Variants in NLN observed in about 807,000 individuals in gnomAD.
NLN encodes neurolysin, mitochondrial.
Under a neutral mutation model 79.9 loss-of-function variants are expected in NLN, and 64 were observed. The observed-to-expected ratio is 0.80, with a 90% CI of 0.65 to 0.99. NLN has a LOEUF of 0.99. Among genes scored for constraint, NLN ranks in the 50% least tolerant of loss-of-function variants. The probability of loss-of-function intolerance (pLI) is 0.00; values close to 1 mark genes in which losing one functional copy is unlikely to be tolerated. For missense variants in NLN, 835 were observed against 858.7 expected, an observed-to-expected ratio of 0.97 and a Z score of 0.34; for synonymous variants, 267 against 296.6, an observed-to-expected ratio of 0.90 and a Z score of 1.02.
chr5:65,794,035 T>G (rs1257001712), intron 9 of NLN, among the ~76,000 whole-genome samples: 1 of 152,250 alleles, frequency 6.6e-6, no homozygotes, highest in African/African-American at 2.4e-5. Flanking sequence ...TTTTTGTATT[T>G]TTCAAGTGAT....
intron 3 of NLN, among the ~76,000 whole-genome samples, chr5:65,767,247 T>C (rs1409962447): frequency 6.6e-6 from 1 of 152,208 alleles, no homozygotes; most frequent in African/African-American, 2.4e-5. Flanking sequence ...TGCCTGGATA[T>C]CCAGGCATTT....
At chr5:65,751,937 G>A (rs1759111566) in intron 1 of NLN, among the ~76,000 whole-genome samples, 1 of 152,066 alleles carries the variant, frequency 6.6e-6, no homozygotes, top group African/African-American at 2.4e-5. Flanking sequence ...ATTATTTCTT[G>A]GTTAGAAATT....
intron 3 of NLN, among the ~76,000 whole-genome samples, chr5:65,772,892 G>A (rs1579938749): frequency 2.7e-5 from 4 of 150,044 alleles, no homozygotes; most frequent in South Asian, 2.1e-4. Context: ...CACCAGACCC[G>A]GCTATACTCT....
chr5:65,788,985 T>A (rs1391720340), intron 8 of NLN, among the ~76,000 whole-genome samples: 1 of 142,080 alleles, frequency 7.0e-6, no homozygotes, highest in Non-Finnish European at 1.5e-5. Context: ...AAAAAAAAAA[T>A]GAAAAATTAG....
chr5:65,815,563 T>C (rs1760651661), intron 12 of NLN, among the ~76,000 whole-genome samples: 1 of 152,200 alleles, frequency 6.6e-6, no homozygotes, highest in South Asian at 2.1e-4. Flanking sequence ...CTTTACACTT[T>C]TTCCTTTCCT....
chr5:65,762,494 G>A (rs1759359425), intron 2 of NLN, among the ~76,000 whole-genome samples: 1 of 152,052 alleles, frequency 6.6e-6, no homozygotes, highest in African/African-American at 2.4e-5. Flanking sequence ...AGACCAGCCT[G>A]GGAAATATGG....
intron 8 of NLN, 49 bp downstream of exon 8, chr5:65,788,533 C>A: frequency 6.4e-7 from 1 of 1,566,836 alleles, no homozygotes; most frequent in Non-Finnish European, 8.7e-7. Flanking sequence ...TCAGCTATGC[C>A]TACTTTAAGA....
chr5:65,756,373 G>A (rs192978834), intron 1 of NLN, among the ~76,000 whole-genome samples: 9 of 151,794 alleles, frequency 5.9e-5, no homozygotes, highest in Admixed American at 3.9e-4. Context: ...CACCTCCACC[G>A]CCTCCATCCA....
chr5:65,755,374 A>G (rs1255380429), intron 1 of NLN, among the ~76,000 whole-genome samples: 1 of 152,240 alleles, frequency 6.6e-6, no homozygotes, highest in Non-Finnish European at 1.5e-5. Context: ...CCTATAATGC[A>G]TCATCTTTGA....
In NLN at chr5:65,722,293, G is replaced by A; in HGVS notation, c.-81G>A. 1.7e-6 allele frequency: 2 copies of A among 1,155,186 alleles called. No individual in the cohort carries two copies. Among genetic ancestry groups the A allele is most frequent in the South Asian group, 3.1e-5 (2 of 64,654 alleles). The allele number at this position is 1,155,186 out of a possible 1,614,324, so 71.6% of individuals were successfully genotyped here. ...CGGCTAGGCCGGCTCGAGACTCCCG[G>A]GCGCCCAGGCGCTGCCGCCCGCCTC... is the stretch of plus-strand genomic sequence containing the variant. On this transcript the variant is annotated 5_prime_UTR_variant, in exon 1 of 13. Coordinates refer to ENST00000380985, the MANE Select transcript of NLN (RefSeq NM_020726.5).
chr5:65,767,369 G>A (rs2150750282), intron 3 of NLN, among the ~76,000 whole-genome samples: 1 of 152,346 alleles, frequency 6.6e-6, no homozygotes, highest in South Asian at 2.1e-4. Flanking sequence ...TGCGTCCTGT[G>A]AAGCAATGGC....
At chr5:65,811,286 T>A (rs952577924) in intron 11 of NLN, among the ~76,000 whole-genome samples, 1 of 152,180 alleles carries the variant, frequency 6.6e-6, no homozygotes, top group Non-Finnish European at 1.5e-5. Flanking sequence ...TAAGCCATAG[T>A]GCACCTTTGT....
Position 65,826,050 on chromosome 5 carries a change from A to G in NLN, c.*3135A>G, listed in dbSNP as rs1019460127. 1 of 152,236 alleles carries G rather than the reference A, an allele frequency of 6.6e-6. No individual in the cohort carries two copies. The highest frequency in any genetic ancestry group is 1.5e-5 in the Non-Finnish European group (1 of 68,042). The allele number at this position is 152,236 out of a possible 1,614,324, so 9.4% of individuals were successfully genotyped here. Reference sequence around the variant, plus strand: ...GTTCTGGAAGCTGGGAAGTCCCACAATCCACATGCTGGTAAATTTGGTTCG... The same window carrying G: ...GTTCTGGAAGCTGGGAAGTCCCACAGTCCACATGCTGGTAAATTTGGTTCG... On this transcript the variant is annotated 3_prime_UTR_variant, in exon 13 of 13. Coordinates refer to ENST00000380985, the MANE Select transcript of NLN (RefSeq NM_020726.5).
chr5:65,742,600 G>A (rs1024456493), intron 1 of NLN, among the ~76,000 whole-genome samples: 3 of 152,136 alleles, frequency 2.0e-5, no homozygotes, highest in African/African-American at 7.2e-5. Context: ...GTTGTTTATA[G>A]GATGTTTATA....
Position 65,788,372 on chromosome 5 carries a change from T to C in NLN, c.1213T>C (p.Phe405Leu). The C allele has an allele frequency of 1.2e-6, 2 of 1,614,184 alleles. No individual in the cohort carries two copies. The highest frequency in any genetic ancestry group is 2.2e-5 in the South Asian group (2 of 91,082). ...NTYQELLGLS[F>L]EQMTDAHVWN... ...CTACCAGGAGTTGTTGGGACTTTCA[T>C]TTGAACAAATGACAGATGCTCATGT... The change falls in exon 8 of 13, where the codon TTT becomes CTT. Residue 405 changes from phenylalanine to leucine, a missense_variant. Phe to Leu is a conservative substitution (Grantham distance 22). Transcript: ENST00000380985.
chr5:65,756,627 A>G (rs1759225862), intron 1 of NLN, among the ~76,000 whole-genome samples: 5 of 152,124 alleles, frequency 3.3e-5, no homozygotes, highest in Admixed American at 3.3e-4. Flanking sequence ...TGCCTTCAGA[A>G]TAAGATTGGA....
At chr5:65,751,217 C>A (rs1759094027) in intron 1 of NLN, among the ~76,000 whole-genome samples, 2 of 152,150 alleles carry the variant, frequency 1.3e-5, no homozygotes, top group Non-Finnish European at 2.9e-5. Flanking sequence ...AACACAGTGA[C>A]ATGGTGACAG....
At position 65,736,861 on chromosome 5, in the gene NLN, G is replaced by T. The variant is rs537966231; in HGVS notation, c.41+14447G>T. ...CACGCCTGTAATCTCAACACTTTGGGAGGCTGAGGCAAGAGCATTACTTAA... is the reference window on the plus strand; with the variant it reads ...CACGCCTGTAATCTCAACACTTTGGTAGGCTGAGGCAAGAGCATTACTTAA... On this transcript the variant is annotated intron_variant, in intron 1 of 12. Transcript: ENST00000380985. Among the ~76,000 whole-genome samples, 32 of 152,270 alleles carry T rather than the reference G, an allele frequency of 2.1e-4. No individual in the cohort carries two copies. In the South Asian group the frequency reaches 6.6e-3, roughly 32 times the overall value.
At chr5:65,810,507 G>C (rs1760521211) in intron 11 of NLN, among the ~76,000 whole-genome samples, 1 of 152,158 alleles carries the variant, frequency 6.6e-6, no homozygotes, top group Non-Finnish European at 1.5e-5. Context: ...GGAAGAAATT[G>C]GCAGAAGGGG....
Sources: gnomAD v4.1 joint callset for allele counts (sites outside exome capture counted in the v4.1 genomes callset) on GRCh38, gnomAD v4.1.1 for gene constraint, MANE v1.5 for transcripts, NCBI Gene and HGNC (gene_info 2026-07-23, HGNC 2026-07-21) for gene names.